Variants in BLOC1S3 observed in about 807,000 individuals in gnomAD.
The protein encoded by BLOC1S3 is biogenesis of lysosome-related organelles complex 1 subunit 3.
Under a neutral mutation model 9.1 loss-of-function variants are expected in BLOC1S3, and 7 were observed. The observed-to-expected ratio is 0.77, with a 90% confidence interval of 0.44 to 1.45. The LOEUF (loss-of-function observed/expected upper bound fraction) is 1.45, where lower values mean the gene tolerates loss of function less well. Ranked by LOEUF, BLOC1S3 falls within the 40% of genes most tolerant of loss-of-function variation. BLOC1S3 has a pLI of 0.01. For missense variants in BLOC1S3, 307 were observed against 315.2 expected (o/e 0.97, Z 0.20); for synonymous variants, 145 against 158.4 (o/e 0.92, Z 0.64).
At chr19:45,188,914 G>T (rs1969585343) in intron 2 of BLOC1S3, among the ~76,000 whole-genome samples, 1 of 151,598 alleles carries the variant, frequency 6.6e-6, no homozygotes, top group Non-Finnish European at 1.5e-5. Flanking sequence ...TTGCTCTGTT[G>T]CCCAGGCTGG....
chr19:45,211,197 TAA>T (rs1245297270), intron 3 of BLOC1S3, among the ~76,000 whole-genome samples: 1 of 152,000 alleles, frequency 6.6e-6, no homozygotes, highest in East Asian at 1.9e-4. Context: ...ATTGGCAACA[TAA>T]AAAGTGTCAT....
chr19:45,182,967 GGTGGAAGTAGGTGAA>G (rs1969537343), downstream of BLOC1S3, among the ~76,000 whole-genome samples: 1 of 152,174 alleles, frequency 6.6e-6, no homozygotes. Flanking sequence ...GAGCCCGGAA[GGTGGAAGTAGGTGAA>G]ATGGGAGTAG....
downstream of BLOC1S3, among the ~76,000 whole-genome samples, chr19:45,183,063 C>T (rs1969538271): frequency 6.6e-6 from 1 of 152,092 alleles, no homozygotes; most frequent in South Asian, 2.1e-4. Flanking sequence ...GGACCATAAC[C>T]TGTTTAACAG....
rs1485352603 is a variant in BLOC1S3 at position 45,181,498 on chromosome 19, C to G, written c.*1593C>G. On this transcript the variant is annotated 3_prime_UTR_variant, in exon 2 of 2. Coordinates refer to ENST00000433642, the MANE Select transcript of BLOC1S3 (RefSeq NM_212550.5). ...TGGTGCTTTCAGCGCCAGATGACAG[C>G]ACTTTGCAGATAAGAACGATATGAT... 1 of 167,132 alleles carries G rather than the reference C, an allele frequency of 6.0e-6. No individual in the cohort carries two copies. Among genetic ancestry groups the G allele is most frequent in the African/African-American group, 2.4e-5 (1 of 41,464 alleles). The allele number at this position is 167,132 out of a possible 1,614,324, so 10.4% of individuals were successfully genotyped here.
At chr19:45,194,523 G>C (rs1007910338) in intron 2 of BLOC1S3, among the ~76,000 whole-genome samples, 6 of 152,162 alleles carry the variant, frequency 3.9e-5, no homozygotes, top group Non-Finnish European at 8.8e-5. Flanking sequence ...CCAAAAGACA[G>C]TGTGCTTAGA....
At chr19:45,214,289 T>C (rs1219021057) in intron 3 of BLOC1S3, among the ~76,000 whole-genome samples, 1 of 152,086 alleles carries the variant, frequency 6.6e-6, no homozygotes, top group Non-Finnish European at 1.5e-5. Flanking sequence ...CATGCCTCAC[T>C]CCTTGTTTTT....
At position 45,179,562 on chromosome 19, in the gene BLOC1S3, C is replaced by T. The variant is rs1481659196; in HGVS notation, c.266C>T (p.Ser89Leu). Reference sequence around the variant, plus strand: ...CCTCCACTCGTGGTGCAGCGGGAATCGGCGGAGGAGGCCTGGGGCACGGAG... The same window carrying T: ...CCTCCACTCGTGGTGCAGCGGGAATTGGCGGAGGAGGCCTGGGGCACGGAG... ...DLPPLVVQRE[S>L]AEEAWGTEEA... is the part of the protein sequence containing the mutation. Residue 89 changes from serine (S) to leucine (L), a missense_variant, in exon 2 of 2, where the codon TCG becomes TTG. Coordinates refer to ENST00000433642, the MANE Select transcript of BLOC1S3 (RefSeq NM_212550.5). The surrounding 1 kb of genome is among the most constrained non-coding windows in gnomAD (Gnocchi z 4.6). 4 of 1,517,164 alleles carry T rather than the reference C, an allele frequency of 2.6e-6. No homozygotes were observed. Among genetic ancestry groups the T allele is most frequent in the Non-Finnish European group, 3.5e-6 (4 of 1,140,076 alleles). The allele number at this position is 1,517,164 out of a possible 1,614,324, so 94.0% of individuals were successfully genotyped here.
intron 2 of BLOC1S3, among the ~76,000 whole-genome samples, chr19:45,198,202 T>C (rs964278196): frequency 6.6e-6 from 1 of 152,194 alleles, no homozygotes; most frequent in Non-Finnish European, 1.5e-5. Context: ...AGAAAAATAC[T>C]GTGCTAAACT....
At chr19:45,207,441 T>G (rs772574803) in intron 3 of BLOC1S3, among the ~76,000 whole-genome samples, 11 of 151,892 alleles carry the variant, frequency 7.2e-5, no homozygotes, top group Non-Finnish European at 1.3e-4. Flanking sequence ...CCTGCCTTGT[T>G]TTTTTAATGG....
intron 3 of BLOC1S3, chr19:45,213,415 A>G (rs1969800433): frequency 6.3e-7 from 1 of 1,592,004 alleles, no homozygotes; most frequent in African/African-American, 1.4e-5. Flanking sequence ...CACACACCCA[A>G]CCCAGCCGTG....
chr19:45,201,951 T>C (rs1002457543), intron 2 of BLOC1S3, among the ~76,000 whole-genome samples: 19 of 151,974 alleles, frequency 1.3e-4, no homozygotes, highest in African/African-American at 3.6e-4. Context: ...TGGCCAGGCA[T>C]GGCAGCTCAC....
At chr19:45,183,331 T>C (rs1332488825), downstream of BLOC1S3, among the ~76,000 whole-genome samples, 1 of 151,560 alleles carries the variant, frequency 6.6e-6, no homozygotes, top group Non-Finnish European at 1.5e-5. Context: ...AATATAAAAA[T>C]TAGGCATGGT....
intron 3 of BLOC1S3, among the ~76,000 whole-genome samples, chr19:45,209,276 T>A (rs1479695781): frequency 1.3e-5 from 2 of 152,094 alleles, no homozygotes; most frequent in Non-Finnish European, 2.9e-5. Flanking sequence ...CTTAAACTCC[T>A]GACCTCAAGT....
intron 3 of BLOC1S3, among the ~76,000 whole-genome samples, chr19:45,206,323 C>T (rs1969724832): frequency 1.5e-5 from 2 of 137,132 alleles, no homozygotes; most frequent in Admixed American, 1.6e-4. Context: ...CGTCATTGCA[C>T]TCTAGCCTGG....
At chr19:45,195,097 T>A (rs983456279) in intron 2 of BLOC1S3, among the ~76,000 whole-genome samples, 18 of 151,952 alleles carry the variant, frequency 1.2e-4, no homozygotes, top group Admixed American at 9.2e-4. Flanking sequence ...GTAGTAGAGA[T>A]GGGGTTTCTG....
At chr19:45,182,430 G>C (rs919903170), downstream of BLOC1S3, among the ~76,000 whole-genome samples, 1 of 151,916 alleles carries the variant, frequency 6.6e-6, no homozygotes, top group South Asian at 2.1e-4. Context: ...CACTTTGGGA[G>C]ATCGAGGTAG....
Position 45,178,958 on chromosome 19 carries a change from G to T in BLOC1S3, c.-10+127G>T, listed in dbSNP as rs367571876. 4 of 253,946 alleles carry T rather than the reference G, an allele frequency of 1.6e-5. No homozygotes were observed. In the East Asian group the frequency reaches 2.8e-4, roughly 18 times the overall value. 15.7% of individuals were successfully genotyped at this position (253,946 alleles called of 1,614,324 possible). A position where few individuals can be genotyped will look rare whatever the true frequency, so the allele number is the denominator to read the frequency against. On this transcript the variant is annotated intron_variant, in intron 1 of 1. Transcript: ENST00000433642. ...AGCTCACGGGCCCGTGTGCTTCCGGGTCTGAGATTGGCATGGTGGACCAGG... is the reference window on the plus strand; with the variant it reads ...AGCTCACGGGCCCGTGTGCTTCCGGTTCTGAGATTGGCATGGTGGACCAGG...
intron 3 of BLOC1S3, among the ~76,000 whole-genome samples, chr19:45,206,450 G>GTTTTGTTTTTTTTTTT (rs1969726421): frequency 1.8e-5 from 1 of 55,152 alleles, no homozygotes; most frequent in Admixed American, 2.4e-4. Context: ...GATTAATCAA[G>GTTTTGTTTTTTTTTTT]TTTTTTTTTT....
rs1421398789 is a variant in BLOC1S3 at position 45,180,440 on chromosome 19, A to AG, written c.*539dup. 6.5e-6 allele frequency: 1 copy of AG among 153,164 alleles called. No homozygotes were observed. The highest frequency in any genetic ancestry group is 2.4e-5 in the African/African-American group (1 of 41,330). 9.5% of individuals were successfully genotyped at this position (153,164 alleles called of 1,614,324 possible). A position where few individuals can be genotyped will look rare whatever the true frequency, so the allele number is the denominator to read the frequency against. On this transcript the variant is annotated 3_prime_UTR_variant, in exon 2 of 2. Transcript: ENST00000433642. ...TTAATTTTTTTCTGTCGGTTTGAAG[A>AG]GGGGAGAAGGTCTCACTATGTTGCC... is the stretch of plus-strand genomic sequence containing the variant.
Sources: allele counts gnomAD v4.1 joint callset (sites outside exome capture counted in the v4.1 genomes callset), GRCh38; gene constraint gnomAD v4.1.1; non-coding constraint Gnocchi (gnomAD v3.1); transcripts MANE v1.5; gene names NCBI Gene and HGNC (gene_info 2026-07-23, HGNC 2026-07-21).